DACH2: variants seen among roughly 807,000 people sequenced by gnomAD.
The protein encoded by DACH2 is dachshund family transcription factor 2.
DACH2 carries 17 observed loss-of-function variants against 35.8 expected under a neutral mutation model. The ratio of observed to expected loss-of-function variants is 0.48; its 90% CI spans 0.33 to 0.71. The LOEUF is 0.71. DACH2 is among the 30% of genes least tolerant of loss of function. DACH2 has a pLI of 0.02. For missense variants in DACH2, 469 were observed against 472.7 expected, an observed-to-expected ratio of 0.99 and a Z score of 0.07; for synonymous variants, 195 against 177.3, an observed-to-expected ratio of 1.10 and a Z score of -0.79.
intron 2 of DACH2, among the ~76,000 whole-genome samples, chrX:86,394,181 G>A (rs956986460): frequency 9.1e-6 from 1 of 109,357 alleles, no homozygotes; most frequent in African/African-American, 3.3e-5. Context: ...ACGTGTTTAC[G>A]TTATGATCCC....
At chrX:86,753,650 A>G (rs866773034) in intron 7 of DACH2, among the ~76,000 whole-genome samples, 1 of 111,620 alleles carries the variant, frequency 9.0e-6, no homozygotes, top group African/African-American at 3.3e-5. Flanking sequence ...TCTGTACCCT[A>G]CATTATTTCA....
At chrX:86,621,641 A>G (rs953617923) in intron 3 of DACH2, among the ~76,000 whole-genome samples, 3 of 111,708 alleles carry the variant, frequency 2.7e-5, no homozygotes, top group Non-Finnish European at 3.8e-5. Context: ...GATCTTGCAC[A>G]TGCTAGTCAG....
intron 3 of DACH2, among the ~76,000 whole-genome samples, chrX:86,582,820 T>A (rs5968951): frequency 8.3e-5 from 9 of 108,186 alleles, no homozygotes; most frequent in African/African-American, 2.3e-4. Context: ...TAAAACTATT[T>A]AAAAAAAAAA....
intron 1 of DACH2, among the ~76,000 whole-genome samples, chrX:86,237,999 G>A (rs1044083683): frequency 1.8e-5 from 2 of 112,189 alleles, no homozygotes; most frequent in Admixed American, 1.9e-4. Flanking sequence ...TGGTGAGCAA[G>A]GGGCATGTTT....
intron 7 of DACH2, among the ~76,000 whole-genome samples, chrX:86,759,132 C>G (rs1473942855): frequency 1.8e-5 from 2 of 109,936 alleles, no homozygotes; most frequent in East Asian, 5.7e-4. Context: ...TTACCTCCCA[C>G]GAATATACTG....
At chrX:86,453,568 G>A (rs2037421258) in intron 2 of DACH2, among the ~76,000 whole-genome samples, 1 of 99,907 alleles carries the variant, frequency 1.0e-5, no homozygotes, top group Non-Finnish European at 2.2e-5. Flanking sequence ...ATTAGGTAAT[G>A]TCCCTGTTTG....
intron 1 of DACH2, among the ~76,000 whole-genome samples, chrX:86,235,598 CA>C (rs1286108363): frequency 1.8e-5 from 2 of 112,004 alleles, no homozygotes; most frequent in Non-Finnish European, 3.8e-5. Context: ...ACATGGGTAG[CA>C]GAGGTAGTAA....
At chrX:86,716,908 CACAA>C (rs2041343224) in intron 6 of DACH2, among the ~76,000 whole-genome samples, 1 of 111,835 alleles carries the variant, frequency 8.9e-6, no homozygotes, top group Non-Finnish European at 1.9e-5. Context: ...TTGGAATTGT[CACAA>C]ACAATTTTAT....
At chrX:86,339,306 A>T (rs1301034624) in intron 1 of DACH2, among the ~76,000 whole-genome samples, 1 of 112,100 alleles carries the variant, frequency 8.9e-6, no homozygotes, top group Non-Finnish European at 1.9e-5. Context: ...TTCTCAAGAG[A>T]TCAGAGCAAG....
chrX:86,667,562 A>C (rs1164870790), intron 4 of DACH2, among the ~76,000 whole-genome samples: 1 of 83,566 alleles, frequency 1.2e-5, no homozygotes, highest in African/African-American at 5.2e-5. Context: ...GAAAGAAAGA[A>C]AGAAAGAAAG....
chrX:86,569,080 T>C (rs1423051859), intron 3 of DACH2, among the ~76,000 whole-genome samples: 1 of 111,623 alleles, frequency 9.0e-6, no homozygotes, highest in Non-Finnish European at 1.9e-5. Context: ...CCCACAGTCT[T>C]TACATGCATT....
intron 2 of DACH2, among the ~76,000 whole-genome samples, chrX:86,411,418 A>G (rs763161616): frequency 9.1e-6 from 1 of 110,387 alleles, no homozygotes; most frequent in Non-Finnish European, 1.9e-5. Flanking sequence ...CTTGACACTC[A>G]GTATTAACCA....
intron 1 of DACH2, among the ~76,000 whole-genome samples, chrX:86,283,909 C>CGT (rs746748936): frequency 9.2e-6 from 1 of 108,994 alleles, no homozygotes; most frequent in African/African-American, 3.4e-5. Flanking sequence ...CACACACACA[C>CGT]ATATATATAT....
chrX:86,471,870 G>A (rs2148223028), intron 2 of DACH2, among the ~76,000 whole-genome samples: 1 of 111,587 alleles, frequency 9.0e-6, no homozygotes, highest in Admixed American at 9.6e-5. Context: ...TGCTAAGGGA[G>A]TAGATTTTAA....
chrX:86,501,667 C>G (rs1483464034), intron 2 of DACH2, among the ~76,000 whole-genome samples: 1 of 111,798 alleles, frequency 8.9e-6, no homozygotes, highest in Admixed American at 9.5e-5. Flanking sequence ...TATGGCTTTT[C>G]TGACCAAATG....
At chrX:86,254,807 T>TATATATATATATATAGAGAGAGAGAG (rs1380613474) in intron 1 of DACH2, among the ~76,000 whole-genome samples, 2 of 49,650 alleles carry the variant, frequency 4.0e-5, no homozygotes, top group African/African-American at 2.3e-4. Context: ...TATATATATA[T>TATATATATATATATAGAGAGAGAGAG]AGAGAGAGAG....
intron 3 of DACH2, among the ~76,000 whole-genome samples, chrX:86,610,418 T>TTTCTTTCTTTCTTTTC (rs1491456126): frequency 3.2e-4 from 20 of 62,203 alleles, no homozygotes; most frequent in South Asian, 8.2e-4. Flanking sequence ...TCTTTCTTTC[T>TTTCTTTCTTTCTTTTC]TTTCTTTCTT....
intron 7 of DACH2, among the ~76,000 whole-genome samples, chrX:86,790,368 A>C (rs1173471858): frequency 8.9e-6 from 1 of 111,941 alleles, no homozygotes; most frequent in Non-Finnish European, 1.9e-5. Context: ...GTATGTAATA[A>C]AGAACAAGTA....
intron 1 of DACH2, among the ~76,000 whole-genome samples, chrX:86,219,214 C>A (rs2147921498): frequency 9.0e-6 from 1 of 111,706 alleles, no homozygotes; most frequent in Admixed American, 9.5e-5. Context: ...GTATCAACTT[C>A]ACAGAAGAGG....
Sources: gnomAD v4.1 joint callset for allele counts (sites outside exome capture counted in the v4.1 genomes callset) on GRCh38, gnomAD v4.1.1 for gene constraint, MANE v1.5 for transcripts, NCBI Gene and HGNC (gene_info 2026-07-23, HGNC 2026-07-21) for gene names.